BTBD10: variants seen among roughly 807,000 people sequenced by gnomAD.
BTBD10 encodes BTB domain containing 10, also known as BTB/POZ domain-containing protein 10.
A neutral mutation model predicts 53.2 loss-of-function variants in BTBD10; 21 were observed. That is an observed-to-expected ratio of 0.39 (90% CI 0.28 to 0.57). BTBD10 has a LOEUF of 0.57. Among genes scored for constraint, BTBD10 ranks in the 20% least tolerant of loss-of-function variants. BTBD10 has a pLI of 0.53. For synonymous variants in BTBD10, 149 were observed against 192.7 expected (o/e 0.77, Z 1.88); for missense variants, 360 against 594.7 (o/e 0.61, Z 4.10).
intron 1 of BTBD10, among the ~76,000 whole-genome samples, chr11:13,458,812 T>C (rs1025626390): frequency 6.6e-6 from 1 of 152,096 alleles, no homozygotes; most frequent in African/African-American, 2.4e-5. Context: ...AATGAACAAA[T>C]GAATAGCTGA....
chr11:13,425,567 A>G (rs1565252477), intron 2 of BTBD10, among the ~76,000 whole-genome samples: 3 of 152,188 alleles, frequency 2.0e-5, no homozygotes, highest in Non-Finnish European at 4.4e-5. Flanking sequence ...CAGCCCTCCA[A>G]AAAGCAATGT....
chr11:13,404,890 A>G (rs1949784543), intron 7 of BTBD10, among the ~76,000 whole-genome samples: 1 of 152,178 alleles, frequency 6.6e-6, no homozygotes, highest in African/African-American at 2.4e-5. Context: ...AAAATCAGAG[A>G]TAAGGTGTTT....
chr11:13,423,863 C>G (rs1419986589), intron 2 of BTBD10, among the ~76,000 whole-genome samples: 5 of 152,094 alleles, frequency 3.3e-5, no homozygotes. Context: ...GGCAACCTAA[C>G]AGCCTTTATC....
chr11:13,438,663 GA>G (rs1023253005), intron 2 of BTBD10, among the ~76,000 whole-genome samples: 1 of 151,540 alleles, frequency 6.6e-6, no homozygotes, highest in African/African-American at 2.4e-5. Context: ...TATATACACA[GA>G]AAAAACAGGT....
chr11:13,409,322 A>T (rs1420096123), intron 6 of BTBD10, among the ~76,000 whole-genome samples: 1 of 152,160 alleles, frequency 6.6e-6, no homozygotes, highest in Non-Finnish European at 1.5e-5. Flanking sequence ...TATCACTAAC[A>T]TAGCATATAT....
intron 4 of BTBD10, among the ~76,000 whole-genome samples, chr11:13,418,395 G>A (rs1166454235): frequency 1.3e-5 from 2 of 151,734 alleles, no homozygotes; most frequent in South Asian, 2.1e-4. Flanking sequence ...ACTTTAAAAC[G>A]TTTTTTTAAG....
At chr11:13,460,666 T>A (rs950705858) in intron 1 of BTBD10, among the ~76,000 whole-genome samples, 1 of 152,214 alleles carries the variant, frequency 6.6e-6, no homozygotes, top group African/African-American at 2.4e-5. Flanking sequence ...TTGCTTCACA[T>A]CACACTTTCT....
chr11:13,406,243 G>A (rs572368753), intron 6 of BTBD10, among the ~76,000 whole-genome samples: 2 of 152,128 alleles, frequency 1.3e-5, no homozygotes, highest in East Asian at 3.9e-4. Flanking sequence ...AGCTGAAAAG[G>A]GTCAATAGTC....
intron 7 of BTBD10, among the ~76,000 whole-genome samples, chr11:13,404,265 CTTCT>C: frequency 6.6e-6 from 1 of 152,192 alleles, no homozygotes; most frequent in East Asian, 1.9e-4. Context: ...TCAAATGAAT[CTTCT>C]TTATGTTGGA....
At chr11:13,451,026 C>A (rs1950847498) in intron 1 of BTBD10, among the ~76,000 whole-genome samples, 2 of 151,728 alleles carry the variant, frequency 1.3e-5, no homozygotes, top group Non-Finnish European at 2.9e-5. Flanking sequence ...AGCCACACAG[C>A]TCAAAGTGGC....
chr11:13,412,046 G>C (rs1239879174), intron 6 of BTBD10, among the ~76,000 whole-genome samples: 1 of 152,026 alleles, frequency 6.6e-6, no homozygotes, highest in Non-Finnish European at 1.5e-5. Flanking sequence ...GGTCAGGCTG[G>C]TCTCGAACTC....
chr11:13,446,027 G>C (rs778479411), intron 1 of BTBD10, among the ~76,000 whole-genome samples: 1 of 152,100 alleles, frequency 6.6e-6, no homozygotes, highest in East Asian at 1.9e-4. Context: ...AAAGAACAAG[G>C]ATAATTCACT....
chr11:13,460,781 A>C (rs1210608453), intron 1 of BTBD10, among the ~76,000 whole-genome samples: 1 of 152,246 alleles, frequency 6.6e-6, no homozygotes, highest in East Asian at 1.9e-4. Context: ...ATGCCTAGGA[A>C]GACAATGTGG....
chr11:13,430,359 C>A (rs895419678), intron 2 of BTBD10, among the ~76,000 whole-genome samples: 2 of 152,128 alleles, frequency 1.3e-5, no homozygotes, highest in African/African-American at 4.8e-5. Context: ...AATAAAAAGA[C>A]TGACTATATC....
intron 7 of BTBD10, 142 bp downstream of exon 7, chr11:13,405,517 G>T: frequency 1.2e-6 from 1 of 829,270 alleles, no homozygotes; most frequent in Non-Finnish European, 1.9e-6. Flanking sequence ...GCAGCCATAG[G>T]CAATACATAA....
intron 2 of BTBD10, among the ~76,000 whole-genome samples, chr11:13,437,598 T>C (rs1446845551): frequency 1.3e-5 from 2 of 152,206 alleles, no homozygotes; most frequent in Non-Finnish European, 2.9e-5. Flanking sequence ...CTCTCAAGGA[T>C]ATCAAAATGA....
intron 8 of BTBD10, among the ~76,000 whole-genome samples, chr11:13,394,765 A>G (rs1016632334): frequency 3.3e-5 from 5 of 149,696 alleles, no homozygotes; most frequent in East Asian, 3.9e-4. Flanking sequence ...TCATTGTTCA[A>G]TTCCCACCTA....
chr11:13,439,081 A>G (rs1950598675), intron 2 of BTBD10, among the ~76,000 whole-genome samples: 2 of 152,114 alleles, frequency 1.3e-5, no homozygotes, highest in Admixed American at 1.3e-4. Context: ...TATAAACCAT[A>G]TAAATACATT....
intron 2 of BTBD10, among the ~76,000 whole-genome samples, chr11:13,432,666 G>A (rs1950471214): frequency 1.3e-5 from 2 of 151,712 alleles, no homozygotes; most frequent in South Asian, 2.1e-4. Flanking sequence ...ATAAAATAAG[G>A]ACAGGAATGC....
Sources: gnomAD v4.1 joint callset for allele counts (sites outside exome capture counted in the v4.1 genomes callset) on GRCh38, gnomAD v4.1.1 for gene constraint, MANE v1.5 for transcripts, NCBI Gene and HGNC (gene_info 2026-07-23, HGNC 2026-07-21) for gene names.